The following RUFY3 variants were observed in gnomAD, a reference collection of about 807,000 sequenced individuals.
RUFY3 encodes the protein RUN and FYVE domain containing 3.
In RUFY3, 34 loss-of-function variants were observed where a neutral mutation model predicts 84.0. The ratio of observed to expected loss-of-function variants is 0.40; its 90% CI spans 0.31 to 0.54. The LOEUF (loss-of-function observed/expected upper bound fraction) is 0.54, where lower values mean the gene tolerates loss of function less well. Among genes scored for constraint, RUFY3 ranks in the 20% least tolerant of loss-of-function variants. The probability of loss-of-function intolerance (pLI) is 0.39; values close to 1 mark genes in which losing one functional copy is unlikely to be tolerated. For missense variants in RUFY3, 507 were observed against 736.8 expected (o/e 0.69, Z 3.61); for synonymous variants, 242 against 252.9 (o/e 0.96, Z 0.41).
At chr4:70,785,674 C>CAAA (rs529555155) in intron 10 of RUFY3, among the ~76,000 whole-genome samples, 13 of 133,410 alleles carry the variant, frequency 9.7e-5, no homozygotes, top group East Asian at 4.2e-4. Flanking sequence ...ACTAAAAATA[C>CAAA]AAAAAAAAAA....
In RUFY3 at chr4:70,722,488, G is replaced by T; in HGVS notation, c.-86G>T. On this transcript the variant is annotated 5_prime_UTR_variant, in exon 1 of 18. Transcript: ENST00000381006. The stretch of plus-strand genomic sequence containing the variant: ...TCAGAGCTTTGTATTGGGTTTTTTT[G>T]GTGAGGAGGTTGTATTTATTTTTTT... 2 of 1,446,476 alleles carry T rather than the reference G, an allele frequency of 1.4e-6. No individual in the cohort carries two copies. The highest frequency in any genetic ancestry group is 9.2e-7 in the Non-Finnish European group (1 of 1,090,726). The allele number at this position is 1,446,476 out of a possible 1,614,324, so 89.6% of individuals were successfully genotyped here. A position where few individuals can be genotyped will look rare whatever the true frequency, so the allele number is the denominator to read the frequency against.
At chr4:70,791,460 T>C (rs948347387) in intron 12 of RUFY3, 17 of 1,374,378 alleles carry the variant, frequency 1.2e-5, no homozygotes, top group Non-Finnish European at 1.6e-5. Flanking sequence ...GAAATATAGG[T>C]TGGGTTTTTT....
chr4:70,725,158 A>G (rs561054313), intron 1 of RUFY3, among the ~76,000 whole-genome samples: 72 of 152,238 alleles, frequency 4.7e-4, no homozygotes, highest in South Asian at 3.5e-3. Flanking sequence ...TCCATATTTT[A>G]TTTTCTTAAA....
intron 1 of RUFY3, among the ~76,000 whole-genome samples, chr4:70,709,946 G>A (rs1470425634): frequency 6.6e-6 from 1 of 152,200 alleles, no homozygotes; most frequent in Non-Finnish European, 1.5e-5. Flanking sequence ...AGGAAGGCTA[G>A]AAGAGGAATA....
intron 1 of RUFY3, chr4:70,741,626 G>T: frequency 6.6e-7 from 1 of 1,519,176 alleles, no homozygotes; most frequent in Non-Finnish European, 8.8e-7. Flanking sequence ...CGTTTGCAAA[G>T]ACTCTTGGGA....
chr4:70,715,588 CAA>C (rs886636641), intron 1 of RUFY3, among the ~76,000 whole-genome samples: 3,472 of 46,462 alleles, frequency 0.075, 29 homozygotes, highest in African/African-American at 0.12. Flanking sequence ...ACACTATCTC[CAA>C]AAAAAAAAAA....
At chr4:70,787,168 G>GAAAAAAAAAAAA (rs71211959) in intron 10 of RUFY3, among the ~76,000 whole-genome samples, 7 of 53,002 alleles carry the variant, frequency 1.3e-4, no homozygotes, top group African/African-American at 6.1e-4. Context: ...CCCTGTCTCA[G>GAAAAAAAAAAAA]AAAAAAAAAA....
chr4:70,742,380 G>A (rs1721451178), intron 1 of RUFY3, among the ~76,000 whole-genome samples: 1 of 152,100 alleles, frequency 6.6e-6, no homozygotes, highest in African/African-American at 2.4e-5. Context: ...CCGCTTTGCT[G>A]TAGCACACAC....
Position 70,764,478 on chromosome 4 carries a change from A to G in RUFY3, c.474A>G (p.Thr158=). 1 of 1,607,730 alleles carries G rather than the reference A, an allele frequency of 6.2e-7. No individual in the cohort carries two copies. Among genetic ancestry groups the G allele is most frequent in the South Asian group, 1.1e-5 (1 of 90,496 alleles). The change falls in exon 4 of 18, where the codon ACA becomes ACG. Residue 158 remains threonine, a synonymous_variant. Coordinates refer to ENST00000381006, the MANE Select transcript of RUFY3 (RefSeq NM_001037442.4). ...ASVKDLPGLK[T]PVGRGRAWLR... Reference sequence around the variant, plus strand: ...TTTGATTTCTGTGTTTTTGTAGGACACCAGTAGGTAGAGGAAGAGCCTGGC... The same window carrying G: ...TTTGATTTCTGTGTTTTTGTAGGACGCCAGTAGGTAGAGGAAGAGCCTGGC...
chr4:70,708,458 GC>G (rs1008949738), intron 1 of RUFY3, among the ~76,000 whole-genome samples: 7 of 152,042 alleles, frequency 4.6e-5, no homozygotes, highest in African/African-American at 1.7e-4. Flanking sequence ...ACCACACCTG[GC>G]CCCAAACAGT....
rs1423944311 is a variant in RUFY3 at position 70,788,761 on chromosome 4, G to A, written c.1072-45G>A. On this transcript the variant is annotated intron_variant, in intron 10 of 17. Coordinates refer to ENST00000381006, the MANE Select transcript of RUFY3 (RefSeq NM_001037442.4). ...TGTGAAATATTATGGTTTGTACTTA[G>A]TTGAAGGAACAGAGTGTAAGCAATT... The A allele has an allele frequency of 6.9e-6, 11 of 1,601,974 alleles. No homozygotes were observed. The South Asian group carries it at 1.2e-4, about 18-fold the overall frequency.
At chr4:70,739,480 T>G (rs189909418) in intron 1 of RUFY3, among the ~76,000 whole-genome samples, 1 of 152,182 alleles carries the variant, frequency 6.6e-6, no homozygotes, top group South Asian at 2.1e-4. Context: ...ATGTGATGTG[T>G]CTGGGTTTGG....
At chr4:70,774,644 A>AAATATATAT (rs1553916771) in intron 6 of RUFY3, among the ~76,000 whole-genome samples, 1 of 56,678 alleles carries the variant, frequency 1.8e-5, no homozygotes. Context: ...AAAAAAAAAA[A>AAATATATAT]ATATATATAT....
intron 12 of RUFY3, chr4:70,792,342 A>G (rs1730956276): frequency 1.0e-6 from 1 of 970,904 alleles, no homozygotes; most frequent in Non-Finnish European, 1.2e-6. Flanking sequence ...AAAACATTTC[A>G]GAATAGGAAG....
chr4:70,712,490 G>A (rs1236308074), intron 1 of RUFY3, among the ~76,000 whole-genome samples: 1 of 152,030 alleles, frequency 6.6e-6, no homozygotes, highest in Admixed American at 6.6e-5. Flanking sequence ...GCAACTTTGG[G>A]GACTAAAAGA....
intron 12 of RUFY3, chr4:70,793,289 A>G: frequency 1.0e-6 from 1 of 996,986 alleles, no homozygotes; most frequent in Non-Finnish European, 1.2e-6. Context: ...CCATGATTTA[A>G]TATATGTGGT....
intron 7 of RUFY3, among the ~76,000 whole-genome samples, chr4:70,775,946 A>AAC (rs1727882874): frequency 7.2e-6 from 1 of 137,958 alleles, no homozygotes. Context: ...GTCTTAAACA[A>AAC]AAAAAAAAAA....
At chr4:70,710,135 C>T (rs190834947) in intron 1 of RUFY3, among the ~76,000 whole-genome samples, 29 of 152,020 alleles carry the variant, frequency 1.9e-4, no homozygotes, top group South Asian at 6.2e-4. Context: ...GAAGGAGGTT[C>T]GAAATATACA....
chr4:70,739,559 C>G (rs1186839345), intron 1 of RUFY3, among the ~76,000 whole-genome samples: 2 of 152,106 alleles, frequency 1.3e-5, no homozygotes, highest in Non-Finnish European at 2.9e-5. Context: ...ATCAAAGACA[C>G]TTGGTCTCAA....
Sources: gnomAD v4.1 joint callset for allele counts (sites outside exome capture counted in the v4.1 genomes callset) on GRCh38, gnomAD v4.1.1 for gene constraint, MANE v1.5 for transcripts, NCBI Gene and HGNC (gene_info 2026-07-23, HGNC 2026-07-21) for gene names.